The following ITGAD variants were observed in gnomAD, a reference collection of about 807,000 sequenced individuals.
ITGAD encodes integrin alpha-D.
Under a neutral mutation model 139.0 loss-of-function variants are expected in ITGAD, and 105 were observed. The ratio of observed to expected loss-of-function variants is 0.76; its 90% CI spans 0.65 to 0.89. The LOEUF (loss-of-function observed/expected upper bound fraction) is 0.89, where lower values mean the gene tolerates loss of function less well. ITGAD is among the 40% of genes least tolerant of loss of function. The probability of loss-of-function intolerance (pLI) is 0.00; values close to 1 mark genes in which losing one functional copy is unlikely to be tolerated. For synonymous variants in ITGAD, 569 were observed against 598.3 expected (o/e 0.95, Z 0.71); for missense variants, 1,384 against 1,487.3 (o/e 0.93, Z 1.14).
At position 31,403,523 on chromosome 16, in the gene ITGAD, C is replaced by T; in HGVS notation, c.582C>T (p.Asn194=). The change falls in exon 7 of 30, where the codon AAC becomes AAT. Residue 194 remains asparagine (N), a synonymous_variant. Transcript: ENST00000389202. This position sits in a 1 kb window ranked among gnomAD's most constrained non-coding sequence, Gnocchi z 4.4. ...AGTTTGCACTGATGCAGTACTCAAA[C>T]CTCCTGAAGATCCACTTCACCTTCA... ...DTLFALMQYS[N]LLKIHFTFTQ... is the part of the protein sequence containing the mutation. 6.2e-7 allele frequency: 1 copy of T among 1,614,208 alleles called. No individual in the cohort carries two copies. Among genetic ancestry groups the T allele is most frequent in the South Asian group, 1.1e-5 (1 of 91,088 alleles).
At chr16:31,395,357 G>A (rs540090875) in intron 2 of ITGAD, among the ~76,000 whole-genome samples, 2 of 152,090 alleles carry the variant, frequency 1.3e-5, no homozygotes, top group Non-Finnish European at 2.9e-5. Flanking sequence ...TGCACTGGGG[G>A]TTTGGAGCCT....
chr16:31,413,284 T>G (rs1171844271), intron 16 of ITGAD, 38 bp downstream of exon 16: 5 of 1,604,358 alleles, frequency 3.1e-6, no homozygotes, highest in Non-Finnish European at 2.6e-6. Context: ...GGCCCCTCAT[T>G]CCATTAGGGG....
At chr16:31,397,982 T>C (rs2142596905) in intron 5 of ITGAD, 73 bp downstream of exon 5, 1 of 1,176,012 alleles carries the variant, frequency 8.5e-7, no homozygotes, top group South Asian at 1.4e-5. Context: ...GTGAGGCCTG[T>C]GTCTGGGCCC....
chr16:31,401,062 C>A (rs2081392121), intron 5 of ITGAD, among the ~76,000 whole-genome samples: 1 of 152,052 alleles, frequency 6.6e-6, no homozygotes, highest in Admixed American at 6.6e-5. Context: ...AGGTTGAGAC[C>A]AGCCTGGGCA....
chr16:31,418,372 T>C lies in ITGAD; in HGVS notation c.2688T>C (p.Ser896=), dbSNP rs748044282. The part of the protein sequence containing the change: ...TLGDRMLMRA[S]ASSENNKASS... Reference sequence around the variant, plus strand: ...GAGACAGGATGCTTATGAGGGCCAGTGCAAGCAGGTGGGTCCAGGCCAGGG... The same window carrying C: ...GAGACAGGATGCTTATGAGGGCCAGCGCAAGCAGGTGGGTCCAGGCCAGGG... The change falls in exon 22 of 30, where the codon AGT becomes AGC. Residue 896 remains serine, a synonymous_variant. Coordinates refer to ENST00000389202, the MANE Select transcript of ITGAD (RefSeq NM_005353.3). 1 of 1,614,030 alleles carries C rather than the reference T, an allele frequency of 6.2e-7. No homozygotes were observed. The highest frequency in any genetic ancestry group is 8.5e-7 in the Non-Finnish European group (1 of 1,179,942).
intron 23 of ITGAD, among the ~76,000 whole-genome samples, chr16:31,419,491 G>A (rs2142831379): frequency 6.6e-6 from 1 of 152,298 alleles, no homozygotes; most frequent in Middle Eastern, 3.4e-3. Flanking sequence ...TTGCATAAGT[G>A]CAACCTATGA....
In ITGAD at chr16:31,399,519, A is replaced by G. The variant is rs150250705; in HGVS notation, c.427+1610A>G. 2.5e-3 allele frequency among the ~76,000 whole-genome samples: 381 copies of G among 152,216 alleles called. 1 individual carries two copies. Among genetic ancestry groups the G allele is most frequent in the African/African-American group, 8.7e-3 (360 of 41,522 alleles). On this transcript the variant is annotated intron_variant, in intron 5 of 29. Coordinates refer to ENST00000389202, the MANE Select transcript of ITGAD (RefSeq NM_005353.3). ...AAGGTGGAGCAGCAGCAGAAACATT[A>G]CCAGAGCAAATGGTGAGGGTGGAGT...
At chr16:31,402,508 C>T in intron 6 of ITGAD, 1 of 286,804 alleles carries the variant, frequency 3.5e-6, no homozygotes, top group Non-Finnish European at 6.6e-6. Flanking sequence ...AATAATTTTG[C>T]TATGGAATTT....
At chr16:31,413,695 T>C (rs78615827) in intron 16 of ITGAD, among the ~76,000 whole-genome samples, 3,099 of 152,314 alleles carry the variant, frequency 0.02, 102 homozygotes, top group African/African-American at 0.071. Context: ...CTTGGCCTCC[T>C]GGCCTCTCTG....
intron 23 of ITGAD, 78 bp from the exon 24 acceptor site, chr16:31,423,036 C>A: frequency 8.9e-7 from 1 of 1,125,818 alleles, no homozygotes. Flanking sequence ...CCCAGCCCAA[C>A]AGAGCTCTCT....
chr16:31,407,780 C>G lies in ITGAD; in HGVS notation c.873C>G (p.Phe291Leu). The G allele has an allele frequency of 6.2e-7, 1 of 1,614,014 alleles. No individual in the cohort carries two copies. Residue 291 changes from phenylalanine to leucine, a missense_variant, in exon 9 of 30, where the codon TTC (phenylalanine) becomes TTG (leucine). Transcript: ENST00000389202. ...IRYAIGVGHA[F>L]QGPTARQELN... is the part of the protein sequence containing the mutation. ...CTCTGCTGCAGGTGGGACACGCTTT[C>G]CAGGGACCCACTGCCAGGCAGGAGC...
At position 31,418,425 on chromosome 16, in the gene ITGAD, G is replaced by A. The variant is rs367689152; in HGVS notation, c.2696+45G>A. On this transcript the variant is annotated intron_variant, in intron 22 of 29. Transcript: ENST00000389202. ...TCCCCCACCCTCCATCGCATGCCCC[G>A]GCTAGAGACCCCTCTCCTGGATTCC... The A allele has an allele frequency of 1.1e-3, 1,724 of 1,607,374 alleles. 2 individuals are homozygous for A. The highest frequency in any genetic ancestry group is 5.3e-3 in the Middle Eastern group (32 of 6,050).
intron 10 of ITGAD, 136 bp from the exon 11 acceptor site, chr16:31,410,259 A>T: frequency 8.5e-7 from 1 of 1,181,162 alleles, no homozygotes; most frequent in Admixed American, 2.0e-5. Context: ...GCAGAGGCAC[A>T]GAGGCTGCTG....
At chr16:31,417,449 A>G (rs1018179789) in intron 20 of ITGAD, among the ~76,000 whole-genome samples, 2 of 151,908 alleles carry the variant, frequency 1.3e-5, no homozygotes, top group Non-Finnish European at 2.9e-5. Flanking sequence ...ATTATATTCC[A>G]AAAGCTTCAT....
intron 4 of ITGAD, 35 bp downstream of exon 4, chr16:31,397,701 T>TGGGGGGGGGGGGGGGGGGG: frequency 3.9e-6 from 1 of 259,066 alleles, no homozygotes. Context: ...GGGGGTGGGG[T>TGGGGGGGGGGGGGGGGGGG]GGGGCGGGGG....
chr16:31,398,631 G>A (rs909980562), intron 5 of ITGAD, among the ~76,000 whole-genome samples: 16 of 151,646 alleles, frequency 1.1e-4, no homozygotes, highest in African/African-American at 3.9e-4. Context: ...GCAGGTACAT[G>A]CATCACACCT....
intron 5 of ITGAD, 106 bp from the exon 6 acceptor site, chr16:31,402,009 C>A: frequency 1.5e-6 from 2 of 1,310,924 alleles, no homozygotes; most frequent in Non-Finnish European, 2.1e-6. Flanking sequence ...GGGTCGGAAA[C>A]TAGGTGGGGA....
At chr16:31,401,506 G>C (rs2081403848) in intron 5 of ITGAD, among the ~76,000 whole-genome samples, 1 of 152,130 alleles carries the variant, frequency 6.6e-6, no homozygotes, top group African/African-American at 2.4e-5. Flanking sequence ...GTCTGGGGTG[G>C]ATCCCTGCCC....
chr16:31,420,417 A>G (rs1283674142), intron 23 of ITGAD, among the ~76,000 whole-genome samples: 1 of 150,032 alleles, frequency 6.7e-6, no homozygotes, highest in African/African-American at 2.5e-5. Flanking sequence ...TTTTTTTTTT[A>G]GACGGAATCT....
Sources: allele counts gnomAD v4.1 joint callset (sites outside exome capture counted in the v4.1 genomes callset), GRCh38; gene constraint gnomAD v4.1.1; non-coding constraint Gnocchi (gnomAD v3.1); transcripts MANE v1.5; gene names NCBI Gene and HGNC (gene_info 2026-07-23, HGNC 2026-07-21).